The following POU6F2 variants were observed in gnomAD, a reference collection of about 807,000 sequenced individuals.
The protein encoded by POU6F2 is POU class 6 homeobox 2.
POU6F2 carries 31 observed loss-of-function variants against 71.3 expected under a neutral mutation model. The observed-to-expected ratio is 0.43, with a 90% confidence interval of 0.33 to 0.59. POU6F2 has a LOEUF of 0.59. Among genes scored for constraint, POU6F2 ranks in the 20% least tolerant of loss-of-function variants. The pLI is 0.04. For synonymous variants in POU6F2, 347 were observed against 355.7 expected, an observed-to-expected ratio of 0.98 and a Z score of 0.27; for missense variants, 783 against 856.8, an observed-to-expected ratio of 0.91 and a Z score of 1.07.
intron 4 of POU6F2, among the ~76,000 whole-genome samples, chr7:39,269,546 T>C (rs1784307451): frequency 6.6e-6 from 1 of 152,256 alleles, no homozygotes; most frequent in East Asian, 1.9e-4. Flanking sequence ...CTATTCCCTT[T>C]AATTTACCAT....
intron 5 of POU6F2, among the ~76,000 whole-genome samples, chr7:39,347,213 G>A (rs761456694): frequency 2.6e-5 from 4 of 152,016 alleles, no homozygotes; most frequent in Non-Finnish European, 4.4e-5. Flanking sequence ...TTCCATCCTC[G>A]ACTATAGATA....
At chr7:39,418,705 A>T (rs972950571) in intron 6 of POU6F2, among the ~76,000 whole-genome samples, 1 of 151,160 alleles carries the variant, frequency 6.6e-6, no homozygotes, top group Non-Finnish European at 1.5e-5. Flanking sequence ...AAAAAAAAGA[A>T]AAAGAAAGAA....
intron 2 of POU6F2, among the ~76,000 whole-genome samples, chr7:39,097,840 T>G: frequency 6.6e-6 from 1 of 152,202 alleles, no homozygotes; most frequent in South Asian, 2.1e-4. Context: ...CATCATACAT[T>G]GACATTCTAT....
chr7:39,291,135 C>G (rs1282543666), intron 4 of POU6F2, among the ~76,000 whole-genome samples: 2 of 151,980 alleles, frequency 1.3e-5, no homozygotes, highest in African/African-American at 4.8e-5. Context: ...CCTCTTCTAG[C>G]TGATAACGTA....
intron 1 of POU6F2, among the ~76,000 whole-genome samples, chr7:39,048,795 CA>C (rs1790344859): frequency 6.6e-6 from 1 of 151,966 alleles, no homozygotes; most frequent in Admixed American, 6.6e-5. Flanking sequence ...ACATTCCCAC[CA>C]GCAGTGTATG....
At chr7:39,078,049 G>A (rs1486794115) in intron 1 of POU6F2, among the ~76,000 whole-genome samples, 1 of 152,178 alleles carries the variant, frequency 6.6e-6, no homozygotes, top group Non-Finnish European at 1.5e-5. Context: ...ACTACCATAT[G>A]GTTAGAGATG....
chr7:39,337,164 T>G (rs996314725), intron 4 of POU6F2, among the ~76,000 whole-genome samples: 3 of 152,226 alleles, frequency 2.0e-5, no homozygotes, highest in Non-Finnish European at 1.5e-5. Context: ...TCTTGGCTTC[T>G]TTGTCATGTT....
intron 4 of POU6F2, among the ~76,000 whole-genome samples, chr7:39,324,598 A>G (rs1376957569): frequency 6.6e-6 from 1 of 152,180 alleles, no homozygotes; most frequent in Non-Finnish European, 1.5e-5. Flanking sequence ...ATCCTGACTG[A>G]TCCATTTCTA....
chr7:39,002,822 C>T (rs1330364541), intron 1 of POU6F2, among the ~76,000 whole-genome samples: 1 of 152,234 alleles, frequency 6.6e-6, no homozygotes, highest in Non-Finnish European at 1.5e-5. Context: ...CCCGGCATTG[C>T]CCTTTCCTCT....
intron 5 of POU6F2, among the ~76,000 whole-genome samples, chr7:39,389,540 T>A (rs975014378): frequency 6.6e-5 from 10 of 152,180 alleles, no homozygotes; most frequent in African/African-American, 2.4e-4. Flanking sequence ...TGCAAATCAA[T>A]CTCTCCACCA....
chr7:39,215,451 C>CTA (rs1418562669), intron 4 of POU6F2, among the ~76,000 whole-genome samples: 10 of 152,156 alleles, frequency 6.6e-5, no homozygotes, highest in African/African-American at 2.4e-4. Flanking sequence ...CAAATCAGAA[C>CTA]TATATATCGA....
chr7:39,418,418 G>A (rs1025485285), intron 6 of POU6F2, among the ~76,000 whole-genome samples: 3 of 152,112 alleles, frequency 2.0e-5, no homozygotes, highest in Non-Finnish European at 2.9e-5. Context: ...GGTCAGGCAC[G>A]GTGGCTCACG....
At chr7:38,985,709 G>A (rs539507260) in intron 1 of POU6F2, among the ~76,000 whole-genome samples, 93 of 152,150 alleles carry the variant, frequency 6.1e-4, no homozygotes, top group African/African-American at 2.2e-3. Context: ...GTAAATCTCT[G>A]CTGTATTCAT....
At chr7:39,340,098 A>G in intron 5 of POU6F2, 83 bp downstream of exon 5, 16 of 1,421,200 alleles carry the variant, frequency 1.1e-5, no homozygotes, top group South Asian at 1.4e-5. Context: ...AGGCAGAGGG[A>G]CCACACAAAA....
intron 4 of POU6F2, among the ~76,000 whole-genome samples, chr7:39,302,599 G>A (rs575999193): frequency 3.4e-4 from 51 of 152,204 alleles, no homozygotes; most frequent in Non-Finnish European, 6.0e-4. Context: ...CTCTACAGTG[G>A]TTAGCACAGC....
chr7:39,360,363 A>G (rs1251217008), intron 5 of POU6F2, among the ~76,000 whole-genome samples: 1 of 152,212 alleles, frequency 6.6e-6, no homozygotes, highest in Non-Finnish European at 1.5e-5. Context: ...AGGGAGAGAG[A>G]CGAGATACAA....
In POU6F2 at chr7:39,168,888, G is replaced by A. The variant is rs1436574778; in HGVS notation, c.278-35347G>A. 1.3e-5 allele frequency among the ~76,000 whole-genome samples: 2 copies of A among 152,192 alleles called. 1 individual carries two copies. Among genetic ancestry groups the A allele is most frequent in the Middle Eastern group, 6.3e-3 (2 of 316 alleles). On this transcript the variant is annotated intron_variant, in intron 2 of 9. Transcript: ENST00000518318. Reference sequence around the variant, plus strand: ...GGCAGTGATTGCTGCTTTGAATGCTGTACAGCTGCGCCCATGTGGCCAGAT... The same window carrying A: ...GGCAGTGATTGCTGCTTTGAATGCTATACAGCTGCGCCCATGTGGCCAGAT...
At chr7:39,388,524 C>T (rs1786995397) in intron 5 of POU6F2, among the ~76,000 whole-genome samples, 1 of 152,150 alleles carries the variant, frequency 6.6e-6, no homozygotes, top group African/African-American at 2.4e-5. Context: ...CCACGTTGGC[C>T]AGGCTGGTCT....
chr7:39,169,422 T>A (rs1438234605), intron 2 of POU6F2, among the ~76,000 whole-genome samples: 2 of 152,200 alleles, frequency 1.3e-5, no homozygotes, highest in African/African-American at 4.8e-5. Context: ...ATAAAGTGTC[T>A]GGGCCCCTCC....
Sources: allele counts gnomAD v4.1 joint callset (sites outside exome capture counted in the v4.1 genomes callset), GRCh38; gene constraint gnomAD v4.1.1; transcripts MANE v1.5; gene names NCBI Gene and HGNC (gene_info 2026-07-23, HGNC 2026-07-21).